SLC16A5: variants seen among roughly 807,000 people sequenced by gnomAD.
SLC16A5 encodes monocarboxylate transporter 6.
In SLC16A5, 29 loss-of-function variants were observed where a neutral mutation model predicts 33.2. The observed-to-expected ratio is 0.87, with a 90% confidence interval of 0.65 to 1.19. The LOEUF (loss-of-function observed/expected upper bound fraction) is 1.19. Ranked by LOEUF, SLC16A5 falls within the 50% of genes most tolerant of loss-of-function variation. The pLI, the probability that SLC16A5 is intolerant of heterozygous loss-of-function variation, is 0.00. For synonymous variants in SLC16A5, 248 were observed against 284.1 expected, an observed-to-expected ratio of 0.87 and a Z score of 1.28; for missense variants, 606 against 678.2, an observed-to-expected ratio of 0.89 and a Z score of 1.18.
chr17:75,103,902 C>T, intron 5 of SLC16A5, 68 bp from the exon 6 acceptor site: 1 of 1,392,120 alleles, frequency 7.2e-7, no homozygotes. Context: ...TACCTGCTGT[C>T]AGGGAACACA....
chr17:75,092,133 G>A (rs2073646821), intron 2 of SLC16A5, among the ~76,000 whole-genome samples: 1 of 152,006 alleles, frequency 6.6e-6, no homozygotes, highest in Admixed American at 6.6e-5. Flanking sequence ...ATGTATGCAT[G>A]TGTGTACATA....
intron 4 of SLC16A5, 146 bp from the exon 5 acceptor site, chr17:75,099,861 C>T: frequency 1.3e-6 from 1 of 778,938 alleles, no homozygotes; most frequent in Non-Finnish European, 2.0e-6. Context: ...CCAGCTGATT[C>T]CATGGTCAGT....
At chr17:75,103,146 C>T (rs2073821019) in intron 5 of SLC16A5, among the ~76,000 whole-genome samples, 1 of 152,166 alleles carries the variant, frequency 6.6e-6, no homozygotes, top group African/African-American at 2.4e-5. Context: ...GCCTCGGCCT[C>T]CCAGAGTGCT....
intron 4 of SLC16A5, among the ~76,000 whole-genome samples, chr17:75,099,414 A>G (rs867096501): frequency 1.3e-5 from 2 of 152,048 alleles, no homozygotes; most frequent in Middle Eastern, 3.4e-3. Flanking sequence ...ACTTAATCCA[A>G]TTTGGGGTTT....
Position 75,106,015 on chromosome 17 carries a change from C to G in SLC16A5, c.1500C>G (p.Gly500=), listed in dbSNP as rs371586423. The part of the protein sequence containing the change: ...AVLQAKQTAL[G]WNSPT ...TGCAGGCCAAGCAAACGGCTCTGGGCTGGAATAGCCCTACCTGAGTGCCCT... is the reference window on the plus strand; with the variant it reads ...TGCAGGCCAAGCAAACGGCTCTGGGGTGGAATAGCCCTACCTGAGTGCCCT... Residue 500 remains glycine, a synonymous_variant, in exon 7 of 7, where the codon GGC becomes GGG. Coordinates refer to ENST00000329783, the MANE Select transcript of SLC16A5 (RefSeq NM_004695.4). 1.9e-6 allele frequency: 3 copies of G among 1,574,036 alleles called. No individual in the cohort carries two copies. In the African/African-American group the frequency reaches 4.1e-5, roughly 21 times the overall value.
intron 5 of SLC16A5, among the ~76,000 whole-genome samples, chr17:75,102,598 AAGCCCTCGGTACCGGGG>A (rs2073813536): frequency 1.3e-5 from 2 of 152,146 alleles, no homozygotes; most frequent in African/African-American, 4.8e-5. Flanking sequence ...CAGGTTTGTA[AAGCCCTCGGTACCGGGG>A]AGCAGTCAGA....
intron 2 of SLC16A5, among the ~76,000 whole-genome samples, chr17:75,091,512 A>ACGGTC (rs1443407699): frequency 6.6e-6 from 1 of 152,114 alleles, no homozygotes; most frequent in Non-Finnish European, 1.5e-5. Context: ...GATGAATGGG[A>ACGGTC]CGGTCACCTT....
intron 3 of SLC16A5, 90 bp from the exon 4 acceptor site, chr17:75,097,948 T>C: frequency 6.9e-7 from 1 of 1,452,430 alleles, no homozygotes; most frequent in Non-Finnish European, 9.1e-7. Flanking sequence ...ACCTGGCTAG[T>C]TCCAGCTGGA....
intron 6 of SLC16A5, chr17:75,105,087 CCCCCAGTGAAGGT>C (rs1487842099): frequency 6.4e-5 from 63 of 985,164 alleles, no homozygotes; most frequent in Middle Eastern, 1.0e-3. Context: ...GGTGCAGCTG[CCCCCAGTGAAGGT>C]CATTGGGCCT....
intron 4 of SLC16A5, among the ~76,000 whole-genome samples, chr17:75,099,383 G>A (rs2073761031): frequency 6.6e-6 from 1 of 152,104 alleles, no homozygotes; most frequent in African/African-American, 2.4e-5. Context: ...GAAGTCTTTG[G>A]AAGGTGTTAA....
chr17:75,097,904 A>C, intron 3 of SLC16A5, 134 bp from the exon 4 acceptor site: 2 of 977,628 alleles, frequency 2.0e-6, no homozygotes, highest in Non-Finnish European at 2.9e-6. Context: ...GCAGGTGGGT[A>C]TCAGAATCCA....
chr17:75,095,744 C>G (rs564601665), intron 3 of SLC16A5, among the ~76,000 whole-genome samples: 1 of 151,922 alleles, frequency 6.6e-6, no homozygotes, highest in Non-Finnish European at 1.5e-5. Context: ...GCTGTAACCT[C>G]CGCCTTCCAG....
intron 6 of SLC16A5, 111 bp from the exon 7 acceptor site, chr17:75,105,769 T>C: frequency 7.0e-7 from 1 of 1,426,300 alleles, no homozygotes; most frequent in Non-Finnish European, 9.2e-7. Flanking sequence ...TCACCCTTCC[T>C]TTCCTCCTAG....
intron 3 of SLC16A5, among the ~76,000 whole-genome samples, chr17:75,096,378 A>C (rs1372114646): frequency 7.3e-6 from 1 of 136,168 alleles, no homozygotes; most frequent in African/African-American, 2.9e-5. Context: ...CAACTTCCCT[A>C]AGTCAGGCCA....
At chr17:75,089,894 G>A (rs1319301177) in intron 2 of SLC16A5, 2 of 152,170 alleles carry the variant, frequency 1.3e-5, no homozygotes, top group Non-Finnish European at 2.9e-5. Context: ...GTAAGAAGGA[G>A]GGAAAGAGTA....
chr17:75,093,826 C>A lies in SLC16A5; in HGVS notation c.190C>A (p.His64Asn). The A allele has an allele frequency of 1.9e-6, 3 of 1,613,960 alleles. No homozygotes were observed. The change falls in exon 3 of 7, where the codon CAC becomes AAC. Residue 64 changes from histidine to asparagine, a missense_variant. By Grantham distance (68) the His-to-Asn change is moderately conservative (BLOSUM62 1). Coordinates refer to ENST00000329783, the MANE Select transcript of SLC16A5 (RefSeq NM_004695.4). ...WFPSILTAVL[H>N]MAGPLCSILV... ...CCCCTCCATCCTCACGGCTGTGCTC[C>A]ACATGGCAGGTGAGCGGCCTAGGGA...
chr17:75,104,650 A>G (rs754424915), intron 6 of SLC16A5: 68 of 618,920 alleles, frequency 1.1e-4, no homozygotes, highest in African/African-American at 2.0e-4. Context: ...GGGTTTCTCT[A>G]TGTTGGTCAG....
chr17:75,102,062 G>T (rs1045265867), intron 5 of SLC16A5, among the ~76,000 whole-genome samples: 6 of 152,168 alleles, frequency 3.9e-5, no homozygotes, highest in African/African-American at 7.2e-5. Context: ...CAGTTCTCCT[G>T]CTTCCTGCCT....
chr17:75,102,737 CT>C (rs757384392), intron 5 of SLC16A5, among the ~76,000 whole-genome samples: 10,828 of 145,390 alleles, frequency 0.074, 1,224 homozygotes, highest in African/African-American at 0.25. Flanking sequence ...ATTCTTTTTT[CT>C]TTTTTTTTTT....
Sources: allele counts gnomAD v4.1 joint callset (sites outside exome capture counted in the v4.1 genomes callset), GRCh38; gene constraint gnomAD v4.1.1; transcripts MANE v1.5; gene names NCBI Gene and HGNC (gene_info 2026-07-23, HGNC 2026-07-21).